PLEKHM3: variants seen among roughly 807,000 people sequenced by gnomAD.
PLEKHM3 encodes the protein pleckstrin homology domain-containing family M member 3.
In PLEKHM3, 45 loss-of-function variants were observed where a neutral mutation model predicts 81.8. The observed-to-expected ratio is 0.55, with a 90% CI of 0.43 to 0.71. The LOEUF is 0.71. Among genes scored for constraint, PLEKHM3 ranks in the 30% least tolerant of loss-of-function variants. PLEKHM3 has a pLI of 0.00. For synonymous variants in PLEKHM3, 352 were observed against 356.4 expected, an observed-to-expected ratio of 0.99 and a Z score of 0.14; for missense variants, 788 against 924.3, an observed-to-expected ratio of 0.85 and a Z score of 1.91.
Position 207,826,720 on chromosome 2 carries a change from G to C in PLEKHM3, c.*1599C>G, listed in dbSNP as rs1338684189. The stretch of plus-strand genomic sequence containing the variant: ...GCGTGTGGGGGAAAGGAGCAATGGG[G>C]TTGAATGTACCAAGTATGTTGTGAG... On this transcript the variant is annotated 3_prime_UTR_variant, in exon 8 of 8. Transcript: ENST00000427836. 6.6e-6 allele frequency: 1 copy of C among 152,176 alleles called. No individual in the cohort carries two copies. The highest frequency in any genetic ancestry group is 1.9e-4 in the East Asian group (1 of 5,196). The allele number at this position is 152,176 out of a possible 1,614,324, so 9.4% of individuals were successfully genotyped here.
intron 5 of PLEKHM3, among the ~76,000 whole-genome samples, chr2:207,911,250 T>A (rs1446741747): frequency 6.6e-6 from 1 of 152,202 alleles, no homozygotes; most frequent in Non-Finnish European, 1.5e-5. Context: ...TCTAGAACTA[T>A]CTAAAAGTGT....
chr2:207,854,163 T>A (rs1228430611), intron 7 of PLEKHM3, among the ~76,000 whole-genome samples: 1 of 152,152 alleles, frequency 6.6e-6, no homozygotes. Context: ...TCTGAGGACA[T>A]AAAAATGCCA....
intron 6 of PLEKHM3, among the ~76,000 whole-genome samples, chr2:207,898,427 A>C (rs190431139): frequency 2.0e-5 from 3 of 152,164 alleles, no homozygotes; most frequent in African/African-American, 7.2e-5. Flanking sequence ...CAATCAACAT[A>C]GCTCTATTCT....
chr2:207,899,484 A>C (rs2105885450), intron 6 of PLEKHM3, among the ~76,000 whole-genome samples: 1 of 152,350 alleles, frequency 6.6e-6, no homozygotes, highest in South Asian at 2.1e-4. Flanking sequence ...ATGGCTCCTG[A>C]TACATAGTAC....
At chr2:207,830,387 GC>G (rs1559198333) in intron 7 of PLEKHM3, among the ~76,000 whole-genome samples, 1 of 152,104 alleles carries the variant, frequency 6.6e-6, no homozygotes, top group Admixed American at 6.5e-5. Context: ...GCCGAGGTGA[GC>G]GGATCACCCG....
intron 6 of PLEKHM3, among the ~76,000 whole-genome samples, chr2:207,876,185 C>A (rs1157905628): frequency 6.6e-6 from 1 of 152,054 alleles, no homozygotes; most frequent in East Asian, 1.9e-4. Context: ...CTGCCTTAGC[C>A]TCTTGGGCAG....
intron 5 of PLEKHM3, among the ~76,000 whole-genome samples, chr2:207,929,250 G>C (rs1689507236): frequency 1.3e-5 from 2 of 152,226 alleles, no homozygotes; most frequent in African/African-American, 2.4e-5. Flanking sequence ...TGGTGGTCTG[G>C]CCATAAGGCA....
chr2:207,965,143 G>C (rs769585574), intron 3 of PLEKHM3, among the ~76,000 whole-genome samples: 14 of 152,110 alleles, frequency 9.2e-5, no homozygotes, highest in Non-Finnish European at 2.1e-4. Flanking sequence ...AGAAATTAAG[G>C]AGAATCTTAA....
intron 6 of PLEKHM3, among the ~76,000 whole-genome samples, chr2:207,907,850 G>A (rs145122281): frequency 1.8e-4 from 28 of 152,122 alleles, no homozygotes; most frequent in Middle Eastern, 3.4e-3. Context: ...TCATTTCTTC[G>A]CTCTCCCCAG....
intron 1 of PLEKHM3, among the ~76,000 whole-genome samples, chr2:208,014,451 C>T (rs1041860549): frequency 2.6e-5 from 4 of 152,178 alleles, no homozygotes; most frequent in Non-Finnish European, 5.9e-5. Context: ...TGGGACCAGC[C>T]TGGCCAACAT....
intron 3 of PLEKHM3, among the ~76,000 whole-genome samples, chr2:207,970,183 T>C (rs754896118): frequency 3.1e-4 from 47 of 149,998 alleles, no homozygotes; most frequent in South Asian, 2.3e-3. Flanking sequence ...GGGGAAAAAA[T>C]GCAGGGAGGA....
At position 207,824,167 on chromosome 2, in the gene PLEKHM3, C is replaced by T. The variant is rs547431028; in HGVS notation, c.*4152G>A. 2.0e-5 allele frequency: 3 copies of T among 152,254 alleles called. No individual in the cohort carries two copies. The South Asian group carries it at 6.2e-4, about 32-fold the overall frequency. The allele number at this position is 152,254 out of a possible 1,614,324, so 9.4% of individuals were successfully genotyped here. A position where few individuals can be genotyped will look rare whatever the true frequency, so the allele number is the denominator to read the frequency against. On this transcript the variant is annotated 3_prime_UTR_variant, in exon 8 of 8. Transcript: ENST00000427836. ...CGGAGGCAGGGGAAACAGAGAGTGCCGCTACCGATTCAGGTCACGCAAAGG... is the reference window on the plus strand; with the variant it reads ...CGGAGGCAGGGGAAACAGAGAGTGCTGCTACCGATTCAGGTCACGCAAAGG...
At chr2:207,917,701 A>T (rs188906773) in intron 5 of PLEKHM3, among the ~76,000 whole-genome samples, 1 of 152,246 alleles carries the variant, frequency 6.6e-6, no homozygotes, top group Non-Finnish European at 1.5e-5. Flanking sequence ...TAAAAAAATT[A>T]AGTGGGCATG....
rs116099552 is a variant in PLEKHM3 at position 207,852,562 on chromosome 2, T to C, written c.2108+8543A>G. Among the ~76,000 whole-genome samples the C allele has an allele frequency of 3.2e-3, 492 of 152,272 alleles. 6 individuals carry two copies. The highest frequency in any genetic ancestry group is 0.011 in the African/African-American group (464 of 41,552). ...AAAGCCTGAAGGAGTTGATGAATGT[T>C]TGCTATATAGTCATAATCAAATGAA... On this transcript the variant is annotated intron_variant, in intron 7 of 7. Transcript: ENST00000427836.
chr2:207,907,923 T>G (rs1688667302), intron 6 of PLEKHM3, among the ~76,000 whole-genome samples: 1 of 152,262 alleles, frequency 6.6e-6, no homozygotes, highest in African/African-American at 2.4e-5. Context: ...ACATTTCATG[T>G]AAATAGAAGC....
At chr2:207,841,480 AATATAT>A (rs769138417) in intron 7 of PLEKHM3, among the ~76,000 whole-genome samples, 24 of 37,446 alleles carry the variant, frequency 6.4e-4, no homozygotes, top group African/African-American at 1.7e-3. Context: ...AAAAAAAAAA[AATATAT>A]ATATATATAT....
At position 207,965,934 on chromosome 2, in the gene PLEKHM3, C is replaced by G. The variant is rs116666906; in HGVS notation, c.1546+10717G>C. 7.2e-3 allele frequency among the ~76,000 whole-genome samples: 1,097 copies of G among 152,318 alleles called. 17 individuals carry two copies. The highest frequency in any genetic ancestry group is 0.025 in the African/African-American group (1,037 of 41,564). ...AAGGACCACATTAATCTCATTTTCT[C>G]TAACCCTCTATAGACATTCAAAGGA... On this transcript the variant is annotated intron_variant, in intron 3 of 7. Transcript: ENST00000427836.
intron 4 of PLEKHM3, among the ~76,000 whole-genome samples, chr2:207,936,586 G>T (rs970259561): frequency 2.6e-5 from 4 of 152,054 alleles, no homozygotes; most frequent in Admixed American, 1.3e-4. Context: ...AGCACCAGGG[G>T]AAGAGAGGCA....
chr2:207,888,066 G>A (rs186125235), intron 6 of PLEKHM3, among the ~76,000 whole-genome samples: 6 of 152,006 alleles, frequency 3.9e-5, no homozygotes, highest in East Asian at 1.9e-4. Context: ...CAGGCTTCTC[G>A]GTGACATCTT....
Sources: gnomAD v4.1 joint callset for allele counts (sites outside exome capture counted in the v4.1 genomes callset) on GRCh38, gnomAD v4.1.1 for gene constraint, MANE v1.5 for transcripts, NCBI Gene and HGNC (gene_info 2026-07-23, HGNC 2026-07-21) for gene names.